The following ACYP2 variants were observed in gnomAD, a reference collection of about 807,000 sequenced individuals.
ACYP2 encodes acylphosphatase-2.
A neutral mutation model predicts 11.2 loss-of-function variants in ACYP2; 12 were observed. That is an observed-to-expected ratio of 1.08 (90% CI 0.69 to 1.74). The LOEUF (loss-of-function observed/expected upper bound fraction) is 1.74, where lower values mean the gene tolerates loss of function less well. Among genes scored for constraint, ACYP2 ranks in the 40% most tolerant of loss-of-function variants. The pLI is 0.00. For synonymous variants in ACYP2, 43 were observed against 32.2 expected, an observed-to-expected ratio of 1.33 and a Z score of -1.13; for missense variants, 134 against 101.9, an observed-to-expected ratio of 1.31 and a Z score of -1.35.
chr2:54,189,142 C>A (rs1212592012), intron 6 of ACYP2, among the ~76,000 whole-genome samples: 1 of 152,124 alleles, frequency 6.6e-6, no homozygotes, highest in Non-Finnish European at 1.5e-5. Context: ...AATTAACATA[C>A]CCATCATCTC....
chr2:54,016,212 G>A (rs1342320587), intron 2 of ACYP2, among the ~76,000 whole-genome samples: 1 of 151,932 alleles, frequency 6.6e-6, no homozygotes, highest in African/African-American at 2.4e-5. Flanking sequence ...ACTGCTGCCT[G>A]GCTTAGCTCA....
intron 6 of ACYP2, chr2:54,255,134 T>TG (rs1489692166): frequency 6.2e-7 from 1 of 1,614,020 alleles, no homozygotes; most frequent in African/African-American, 1.3e-5. Flanking sequence ...TTCCTATGAA[T>TG]GAAGGACTGG....
rs1280766582 is a variant in ACYP2, at chr2:54,289,033, CTA to C, written c.405-15648_405-15647del. 2.6e-5 allele frequency among the ~76,000 whole-genome samples: 4 copies of C among 152,120 alleles called. No individual in the cohort carries two copies. In the East Asian group the frequency reaches 7.7e-4, roughly 29 times the overall value. ...AAAACTAAAGAATGACAGCTATCAA[CTA>C]TATATAAGTAGCTTTCAATTCAAAA... On this transcript the variant is annotated intron_variant, in intron 6 of 6. Coordinates refer to ENST00000607452, the MANE Select transcript of ACYP2 (RefSeq NM_001320586.2).
chr2:54,171,194 A>C (rs1683206774), intron 6 of ACYP2, among the ~76,000 whole-genome samples: 1 of 152,122 alleles, frequency 6.6e-6, no homozygotes, highest in East Asian at 1.9e-4. Context: ...GCACATTCCC[A>C]AAGGTTCACG....
chr2:54,241,883 G>T (rs1686744494), intron 6 of ACYP2, among the ~76,000 whole-genome samples: 1 of 152,064 alleles, frequency 6.6e-6, no homozygotes, highest in South Asian at 2.1e-4. Flanking sequence ...CGTGGTGGCA[G>T]GCACCTATAA....
intron 6 of ACYP2, among the ~76,000 whole-genome samples, chr2:54,152,115 C>CT (rs59900871): frequency 0.17 from 18,068 of 106,854 alleles, 1,763 homozygotes; most frequent in East Asian, 0.28. Context: ...AGGGTTGACT[C>CT]TTTTTTTTTT....
intron 6 of ACYP2, among the ~76,000 whole-genome samples, chr2:54,175,958 G>T (rs185764880): frequency 3.2e-4 from 48 of 152,138 alleles, no homozygotes; most frequent in African/African-American, 1.2e-3. Context: ...CTTATAATAG[G>T]CCTTGGAGAG....
chr2:54,131,003 A>G (rs534534705), intron 4 of ACYP2, among the ~76,000 whole-genome samples: 2 of 152,208 alleles, frequency 1.3e-5, no homozygotes, highest in East Asian at 3.9e-4. Context: ...CAAATTGTCC[A>G]TTATTTTAAT....
Position 54,206,450 on chromosome 2 carries a change from G to C in ACYP2, c.404+67702G>C, listed in dbSNP as rs530270286. The stretch of plus-strand genomic sequence containing the variant: ...TCTAAAATGCTTTTATTCAGATTAT[G>C]TTATCATATGTTCTTGTTTAATTAG... On this transcript the variant is annotated intron_variant, in intron 6 of 6. Coordinates refer to ENST00000607452, the MANE Select transcript of ACYP2 (RefSeq NM_001320586.2). Among the ~76,000 whole-genome samples the C allele has an allele frequency of 8.5e-5, 13 of 152,244 alleles. No homozygotes were observed. In the South Asian group the frequency reaches 2.7e-3, roughly 32 times the overall value.
At chr2:54,049,580 T>C (rs13418576) in intron 2 of ACYP2, among the ~76,000 whole-genome samples, 4,101 of 152,336 alleles carry the variant, frequency 0.027, 179 homozygotes, top group African/African-American at 0.095. Context: ...TGTGCAAGCA[T>C]GGGCATGGTT....
rs114228421 is a variant in ACYP2 at position 54,021,111 on chromosome 2, C to T, written c.63-29847C>T. Among the ~76,000 whole-genome samples the T allele has an allele frequency of 1.1e-3, 167 of 152,140 alleles. 1 individual carries two copies. Among genetic ancestry groups the T allele is most frequent in the African/African-American group, 3.8e-3 (157 of 41,514 alleles). ...GTTCCTCTCTTGGCTAGGGTTGAACCGCACAGTCTAAGCTAATTCTGATTG... is the reference window on the plus strand; with the variant it reads ...GTTCCTCTCTTGGCTAGGGTTGAACTGCACAGTCTAAGCTAATTCTGATTG... On this transcript the variant is annotated intron_variant, in intron 2 of 6. Coordinates refer to ENST00000607452, the MANE Select transcript of ACYP2 (RefSeq NM_001320586.2).
intron 6 of ACYP2, among the ~76,000 whole-genome samples, chr2:54,178,431 C>T (rs1044460631): frequency 3.9e-5 from 6 of 152,074 alleles, no homozygotes; most frequent in African/African-American, 9.7e-5. Context: ...ACTAAAGAAA[C>T]GTATTTTCAA....
chr2:54,206,089 T>A (rs999899296), intron 6 of ACYP2, among the ~76,000 whole-genome samples: 3 of 152,210 alleles, frequency 2.0e-5, no homozygotes, highest in African/African-American at 7.2e-5. Flanking sequence ...GGAATAAAGT[T>A]ACTGCATTAT....
intron 2 of ACYP2, among the ~76,000 whole-genome samples, chr2:54,044,425 T>C (rs1206457693): frequency 6.7e-6 from 1 of 149,392 alleles, no homozygotes; most frequent in African/African-American, 2.5e-5. Flanking sequence ...CGAACCCCCG[T>C]GTCTACTAAA....
At chr2:54,203,351 T>C (rs1487240983) in intron 6 of ACYP2, among the ~76,000 whole-genome samples, 1 of 152,230 alleles carries the variant, frequency 6.6e-6, no homozygotes, top group African/African-American at 2.4e-5. Context: ...TTACTACTTC[T>C]AACAGGTTTT....
intron 2 of ACYP2, among the ~76,000 whole-genome samples, chr2:54,004,652 G>A (rs1198023270): frequency 6.7e-6 from 1 of 149,982 alleles, no homozygotes; most frequent in East Asian, 2.0e-4. Context: ...CCTTGTGATC[G>A]GCCCGCCTTG....
At chr2:54,100,078 G>A (rs1374338146) in intron 4 of ACYP2, among the ~76,000 whole-genome samples, 1 of 152,144 alleles carries the variant, frequency 6.6e-6, no homozygotes, top group Non-Finnish European at 1.5e-5. Flanking sequence ...TCTTCCAGGT[G>A]TATCACATAC....
intron 4 of ACYP2, among the ~76,000 whole-genome samples, chr2:54,118,621 A>G (rs1679955585): frequency 6.6e-6 from 1 of 152,252 alleles, no homozygotes; most frequent in Admixed American, 6.5e-5. Context: ...TCTATTAACT[A>G]TACAATTCCA....
chr2:54,218,235 C>T (rs1324057363), intron 6 of ACYP2, among the ~76,000 whole-genome samples: 4 of 152,156 alleles, frequency 2.6e-5, no homozygotes, highest in African/African-American at 9.7e-5. Flanking sequence ...TGTCTTCTTC[C>T]TATTTGTTAA....
Sources: gnomAD v4.1 joint callset for allele counts (sites outside exome capture counted in the v4.1 genomes callset) on GRCh38, gnomAD v4.1.1 for gene constraint, MANE v1.5 for transcripts, NCBI Gene and HGNC (gene_info 2026-07-23, HGNC 2026-07-21) for gene names.